CDH18: variants seen among roughly 807,000 people sequenced by gnomAD.
The protein encoded by CDH18 is cadherin-18.
CDH18 carries 31 observed loss-of-function variants against 67.9 expected under a neutral mutation model. That is an observed-to-expected ratio of 0.46 (90% CI 0.34 to 0.62). The LOEUF is 0.62. CDH18 is among the 20% of genes least tolerant of loss of function. The probability of loss-of-function intolerance (pLI) is 0.01; values close to 1 mark genes in which losing one functional copy is unlikely to be tolerated. For synonymous variants in CDH18, 362 were observed against 347.2 expected (o/e 1.04, Z -0.48); for missense variants, 890 against 975.5 (o/e 0.91, Z 1.17).
chr5:20,328,724 G>C (rs1738865632), intron 1 of CDH18, among the ~76,000 whole-genome samples: 1 of 152,116 alleles, frequency 6.6e-6, no homozygotes, highest in African/African-American at 2.4e-5. Flanking sequence ...GTCAGGCATG[G>C]TGGCTCACAC....
intron 2 of CDH18, among the ~76,000 whole-genome samples, chr5:19,915,902 T>C (rs1791723653): frequency 6.6e-6 from 1 of 152,176 alleles, no homozygotes; most frequent in Non-Finnish European, 1.5e-5. Flanking sequence ...TTCTAATTAA[T>C]CTATTAACAG....
At chr5:20,001,649 T>C (rs949992032) in intron 2 of CDH18, among the ~76,000 whole-genome samples, 2 of 152,218 alleles carry the variant, frequency 1.3e-5, no homozygotes, top group African/African-American at 4.8e-5. Flanking sequence ...GGATGCCTTA[T>C]GTCATTATTC....
intron 1 of CDH18, among the ~76,000 whole-genome samples, chr5:20,315,808 A>G (rs75611974): frequency 0.038 from 5,717 of 152,194 alleles, 270 homozygotes; most frequent in African/African-American, 0.11. Flanking sequence ...ATGTGGCTGT[A>G]TGGGCATGTA....
intron 2 of CDH18, among the ~76,000 whole-genome samples, chr5:19,976,586 T>C (rs911723886): frequency 1.3e-5 from 2 of 152,050 alleles, no homozygotes; most frequent in Non-Finnish European, 2.9e-5. Context: ...TATTTAGTAG[T>C]ATAAGGTAGA....
chr5:20,172,224 G>GTATATATA (rs72180276), intron 2 of CDH18, among the ~76,000 whole-genome samples: 1 of 19,522 alleles, frequency 5.1e-5, no homozygotes, highest in Non-Finnish European at 9.4e-5. Flanking sequence ...ATATATATAT[G>GTATATATA]TATATATATA....
chr5:20,027,738 A>G (rs2150445229), intron 2 of CDH18, among the ~76,000 whole-genome samples: 1 of 152,336 alleles, frequency 6.6e-6, no homozygotes, highest in Admixed American at 6.5e-5. Flanking sequence ...ATTATGGCTT[A>G]ACATTTATGA....
rs188082775 is a variant in CDH18 at position 20,218,458 on chromosome 5, T to C, written c.-518+36986A>G. Among the ~76,000 whole-genome samples the C allele has an allele frequency of 4.6e-5, 7 of 152,112 alleles. No individual in the cohort carries two copies. The East Asian group carries it at 9.7e-4, about 21-fold the overall frequency. On this transcript the variant is annotated intron_variant, in intron 2 of 14. Coordinates refer to the CDH18 transcript ENST00000507958. ...AGATTAAGAAGAAAATTTAAAAGTA[T>C]ATTGAAACAAATGATAATGAAAACA...
chr5:20,213,285 T>C (rs1276114423), intron 2 of CDH18, among the ~76,000 whole-genome samples: 1 of 152,172 alleles, frequency 6.6e-6, no homozygotes, highest in East Asian at 1.9e-4. Context: ...ATTAGTTTAC[T>C]GTCTTATACG....
rs572123904 is a variant in CDH18 at position 19,853,487 on chromosome 5, T to C, written c.-256-14245A>G. 9.1e-4 allele frequency among the ~76,000 whole-genome samples: 138 copies of C among 152,254 alleles called. 1 individual carries two copies. The highest frequency in any genetic ancestry group is 3.2e-3 in the African/African-American group (134 of 41,570). ...ATGAGACGTATTCTTACAATCTAAGTTACATGTAAGGGCTTCCAAAAGCTA... is the reference window on the plus strand; with the variant it reads ...ATGAGACGTATTCTTACAATCTAAGCTACATGTAAGGGCTTCCAAAAGCTA... On this transcript the variant is annotated intron_variant, in intron 2 of 12. Coordinates refer to ENST00000382275, the MANE Select transcript of CDH18 (RefSeq NM_004934.5).
At chr5:19,744,619 T>C (rs1387626833) in intron 4 of CDH18, among the ~76,000 whole-genome samples, 2 of 152,096 alleles carry the variant, frequency 1.3e-5, no homozygotes, top group Non-Finnish European at 2.9e-5. Context: ...TTCTGATTTA[T>C]TTCAACTATT....
At chr5:20,173,802 T>C (rs1391837710) in intron 2 of CDH18, among the ~76,000 whole-genome samples, 1 of 152,150 alleles carries the variant, frequency 6.6e-6, no homozygotes. Flanking sequence ...ACAAATAGGG[T>C]TATAGATAGA....
intron 2 of CDH18, among the ~76,000 whole-genome samples, chr5:20,021,573 T>C (rs1318036440): frequency 6.6e-6 from 1 of 152,002 alleles, no homozygotes. Context: ...GTGTGGCACC[T>C]TCCCCTTCAG....
intron 2 of CDH18, among the ~76,000 whole-genome samples, chr5:19,947,220 G>A (rs559449599): frequency 2.6e-5 from 4 of 151,870 alleles, no homozygotes; most frequent in African/African-American, 7.2e-5. Flanking sequence ...ACATAATACT[G>A]GACATTCTAG....
At chr5:19,741,936 T>C (rs1266935185) in intron 4 of CDH18, among the ~76,000 whole-genome samples, 4 of 152,130 alleles carry the variant, frequency 2.6e-5, no homozygotes, top group Non-Finnish European at 5.9e-5. Flanking sequence ...CAAAGAATTA[T>C]CCAGTCCAAA....
rs566024920 is a variant in CDH18 at position 20,425,918 on chromosome 5, C to T, written c.-580+149544G>A. Among the ~76,000 whole-genome samples the T allele has an allele frequency of 1.3e-3, 192 of 151,226 alleles. 11 individuals carry two copies. Among genetic ancestry groups the T allele is most frequent in the African/African-American group, 4.7e-3 (189 of 40,580 alleles). On this transcript the variant is annotated intron_variant, in intron 1 of 14. Coordinates refer to the CDH18 transcript ENST00000507958. The stretch of plus-strand genomic sequence containing the variant: ...ATGGTTGTAGGCTGCTATTTACATG[C>T]ATTCTCTCCCAGATAACACATTTTC...
intron 1 of CDH18, among the ~76,000 whole-genome samples, chr5:20,297,828 T>C (rs1017235805): frequency 6.6e-6 from 1 of 152,200 alleles, no homozygotes; most frequent in African/African-American, 2.4e-5. Context: ...TATTACAGAA[T>C]GAAGTATAAA....
At chr5:20,368,393 A>G (rs1281748375) in intron 1 of CDH18, among the ~76,000 whole-genome samples, 1 of 152,194 alleles carries the variant, frequency 6.6e-6, no homozygotes, top group Non-Finnish European at 1.5e-5. Context: ...AGAATCTGGG[A>G]CAGAGAAAAT....
chr5:20,375,444 A>G (rs558537789), intron 1 of CDH18, among the ~76,000 whole-genome samples: 130 of 152,330 alleles, frequency 8.5e-4, no homozygotes, highest in African/African-American at 3.1e-3. Context: ...AACAAGTATC[A>G]CGTAGAAAGT....
chr5:19,832,292 T>C (rs567091867), intron 3 of CDH18, among the ~76,000 whole-genome samples: 2 of 152,228 alleles, frequency 1.3e-5, no homozygotes, highest in Non-Finnish European at 2.9e-5. Flanking sequence ...CTTAATATTA[T>C]TTTATAACGT....
Sources: allele counts gnomAD v4.1 joint callset (sites outside exome capture counted in the v4.1 genomes callset), GRCh38; gene constraint gnomAD v4.1.1; transcripts MANE v1.5; gene names NCBI Gene and HGNC (gene_info 2026-07-23, HGNC 2026-07-21).